Variants in NXPE4 observed in about 807,000 individuals in gnomAD.
NXPE4 encodes neurexophilin and PC-esterase domain family member 4.
NXPE4 carries 42 observed loss-of-function variants against 33.3 expected under a neutral mutation model. The observed-to-expected ratio is 1.26, with a 90% CI of 0.98 to 1.63. The LOEUF (loss-of-function observed/expected upper bound fraction) is 1.63, where lower values mean the gene tolerates loss of function less well. Ranked by LOEUF, NXPE4 falls within the 40% of genes most tolerant of loss-of-function variation. The probability of loss-of-function intolerance (pLI) is 0.00; values close to 1 mark genes in which losing one functional copy is unlikely to be tolerated. For synonymous variants in NXPE4, 253 were observed against 234.9 expected, an observed-to-expected ratio of 1.08 and a Z score of -0.71; for missense variants, 709 against 647.6, an observed-to-expected ratio of 1.09 and a Z score of -1.03.
At chr11:114,637,680 A>G in the NXPE4 span, among the ~76,000 whole-genome samples, 6 of 150,614 alleles carry the variant, frequency 4.0e-5, no homozygotes, top group South Asian at 1.3e-3. Context: ...ATCTCTCAGC[A>G]TTTGCTTGTC....
chr11:114,651,890 C>T, the NXPE4 span, among the ~76,000 whole-genome samples: 1 of 152,168 alleles, frequency 6.6e-6, no homozygotes, highest in East Asian at 1.9e-4. Context: ...GGCTTCACCT[C>T]TCAATAATAG....
At chr11:114,656,009 G>C in the NXPE4 span, among the ~76,000 whole-genome samples, 3 of 152,102 alleles carry the variant, frequency 2.0e-5, no homozygotes, top group Non-Finnish European at 4.4e-5. Flanking sequence ...CAGATGACAT[G>C]ATCTTATATT....
chr11:114,640,750 C>T, the NXPE4 span, among the ~76,000 whole-genome samples: 9 of 151,806 alleles, frequency 5.9e-5, no homozygotes, highest in African/African-American at 2.2e-4. Flanking sequence ...GTTTGTATGT[C>T]TTCTTTTGAA....
In NXPE4 at chr11:114,582,578, C is replaced by T. The variant is rs765104948; in HGVS notation, c.540G>A (p.Leu180=). 6.2e-6 allele frequency: 10 copies of T among 1,614,044 alleles called. No individual in the cohort carries two copies. Among genetic ancestry groups the T allele is most frequent in the Non-Finnish European group, 7.6e-6 (9 of 1,180,022 alleles). ...FWEGQVSLSL[L]LIHPSEGVSA... ...ACACCCCTTCACTGGGGTGGATGAG[C>T]AGCAGAGACAGAGAGACCTGGCCCT... is the stretch of plus-strand genomic sequence containing the variant. Residue 180 remains leucine, a synonymous_variant, in exon 3 of 6, where the codon CTG becomes CTA. Coordinates refer to ENST00000375478, the MANE Select transcript of NXPE4 (RefSeq NM_001077639.2).
the NXPE4 span, among the ~76,000 whole-genome samples, chr11:114,632,182 AAATAAATG>A: frequency 7.6e-6 from 1 of 131,582 alleles, no homozygotes; most frequent in African/African-American, 2.7e-5. Context: ...AATATATAAT[AAATAAATG>A]ATCATATATA....
At chr11:114,583,841 TC>T (rs1228632922) in intron 2 of NXPE4, 1 of 396,704 alleles carries the variant, frequency 2.5e-6, no homozygotes, top group Non-Finnish European at 4.9e-6. Context: ...CAGGACTGTG[TC>T]CTTTCATAAA....
At chr11:114,576,146 A>T (rs1319990123) in intron 5 of NXPE4, among the ~76,000 whole-genome samples, 1 of 152,174 alleles carries the variant, frequency 6.6e-6, no homozygotes, top group East Asian at 1.9e-4. Flanking sequence ...TTGGCAAGCC[A>T]CATATAAAAG....
chr11:114,645,146 A>G, the NXPE4 span, among the ~76,000 whole-genome samples: 1 of 152,014 alleles, frequency 6.6e-6, no homozygotes, highest in African/African-American at 2.4e-5. Flanking sequence ...TACTAAAAAT[A>G]CAAAAATTAG....
At chr11:114,610,144 T>C in the NXPE4 span, among the ~76,000 whole-genome samples, 1 of 151,786 alleles carries the variant, frequency 6.6e-6, no homozygotes, top group African/African-American at 2.4e-5. Flanking sequence ...TAATAAGTAT[T>C]GCCTTGCAGC....
At position 114,580,199 on chromosome 11, in the gene NXPE4, T is replaced by C; in HGVS notation, c.1032A>G (p.Lys344=). Reference sequence around the variant, plus strand: ...TGGAATCTCCCATTAGGTATATGAGTTTTCCTCTCAGGCATTCCTTCATTT... The same window carrying C: ...TGGAATCTCCCATTAGGTATATGAGCTTTCCTCTCAGGCATTCCTTCATTT... The part of the protein sequence containing the change: ...TVKMKECLRG[K]LIYLMGDSTI... Residue 344 remains lysine, a synonymous_variant, in exon 5 of 6, where the codon AAA becomes AAG. Coordinates refer to ENST00000375478, the MANE Select transcript of NXPE4 (RefSeq NM_001077639.2). 1 of 1,613,962 alleles carries C rather than the reference T, an allele frequency of 6.2e-7. No homozygotes were observed. The highest frequency in any genetic ancestry group is 8.5e-7 in the Non-Finnish European group (1 of 1,179,940).
At chr11:114,638,119 G>T in the NXPE4 span, among the ~76,000 whole-genome samples, 1 of 151,060 alleles carries the variant, frequency 6.6e-6, no homozygotes, top group African/African-American at 2.4e-5. Flanking sequence ...TGTAGATTTG[G>T]TCTTGTCACA....
the NXPE4 span, among the ~76,000 whole-genome samples, chr11:114,618,764 A>G: frequency 2.0e-5 from 3 of 151,944 alleles, no homozygotes; most frequent in Non-Finnish European, 4.4e-5. Context: ...AGCCACTGTT[A>G]TCTGGTGGAT....
upstream of NXPE4, among the ~76,000 whole-genome samples, chr11:114,598,617 G>C (rs1296795344): frequency 6.6e-6 from 1 of 152,202 alleles, no homozygotes; most frequent in African/African-American, 2.4e-5. Context: ...AGCCACCAAG[G>C]CTTATGGCTT....
chr11:114,613,025 C>A, the NXPE4 span, among the ~76,000 whole-genome samples: 8 of 152,068 alleles, frequency 5.3e-5, no homozygotes, highest in East Asian at 1.6e-3. Context: ...CTAGGGTAAC[C>A]ACTGTTACCT....
intron 2 of NXPE4, among the ~76,000 whole-genome samples, chr11:114,589,975 G>C (rs1339699137): frequency 6.6e-6 from 1 of 152,180 alleles, no homozygotes; most frequent in Non-Finnish European, 1.5e-5. Flanking sequence ...TACAGTCTTA[G>C]ATTTAAAGGA....
At chr11:114,613,718 A>G in the NXPE4 span, among the ~76,000 whole-genome samples, 1 of 151,828 alleles carries the variant, frequency 6.6e-6, no homozygotes, top group Non-Finnish European at 1.5e-5. Flanking sequence ...CCAGCAGGTA[A>G]TAAGTGTTGT....
chr11:114,596,694 A>T (rs1004035372), upstream of NXPE4, among the ~76,000 whole-genome samples: 1 of 152,216 alleles, frequency 6.6e-6, no homozygotes, highest in Non-Finnish European at 1.5e-5. Flanking sequence ...AGGAGCCTAT[A>T]ATAAGAAAAA....
At chr11:114,669,044 G>T in the NXPE4 span, among the ~76,000 whole-genome samples, 1 of 151,990 alleles carries the variant, frequency 6.6e-6, no homozygotes, top group South Asian at 2.1e-4. Flanking sequence ...GGAAGAGACT[G>T]ATCAGATTTA....
chr11:114,645,911 T>C, the NXPE4 span, among the ~76,000 whole-genome samples: 3 of 152,198 alleles, frequency 2.0e-5, no homozygotes, highest in Non-Finnish European at 4.4e-5. Context: ...ATCCTTCTGC[T>C]ATGAGAGTCA....
Sources: allele counts gnomAD v4.1 joint callset (sites outside exome capture counted in the v4.1 genomes callset), GRCh38; gene constraint gnomAD v4.1.1; transcripts MANE v1.5; gene names NCBI Gene and HGNC (gene_info 2026-07-23, HGNC 2026-07-21).